PAK3: variants seen among roughly 807,000 people sequenced by gnomAD.
PAK3 encodes p21 (RAC1) activated kinase 3.
Under a neutral mutation model 41.0 loss-of-function variants are expected in PAK3, and 4 were observed. That is an observed-to-expected ratio of 0.10 (90% CI 0.05 to 0.22). PAK3 has a LOEUF of 0.22. PAK3 is among the 10% of genes least tolerant of loss of function. PAK3 has a pLI of 1.00. For synonymous variants in PAK3, 146 were observed against 139.6 expected (o/e 1.05, Z -0.32); for missense variants, 205 against 409.9 (o/e 0.50, Z 4.32).
At chrX:111,196,854 CTTT>C (rs375476309) in intron 16 of PAK3, among the ~76,000 whole-genome samples, 89 of 79,196 alleles carry the variant, frequency 1.1e-3, no homozygotes, top group African/African-American at 2.7e-3. Context: ...TTCTTTCTTT[CTTT>C]TTTTTTTTTT....
chrX:111,030,271 G>A (rs981186174), intron 1 of PAK3, among the ~76,000 whole-genome samples: 2 of 110,446 alleles, frequency 1.8e-5, no homozygotes, highest in African/African-American at 6.6e-5. Context: ...TCTTGCCCGT[G>A]TTCACTGAGG....
intron 7 of PAK3, among the ~76,000 whole-genome samples, chrX:111,151,113 G>C (rs768520552): frequency 8.9e-6 from 1 of 111,825 alleles, no homozygotes; most frequent in South Asian, 3.7e-4. Flanking sequence ...CTATATTTAA[G>C]CTTCCACATA....
At chrX:110,972,258 G>A (rs2091224070) in intron 1 of PAK3, among the ~76,000 whole-genome samples, 1 of 111,545 alleles carries the variant, frequency 9.0e-6, no homozygotes, top group African/African-American at 3.3e-5. Context: ...TCTGAGAATG[G>A]ACTGACTGCC....
chrX:111,023,994 C>G (rs1602858556), intron 1 of PAK3, among the ~76,000 whole-genome samples: 1 of 110,679 alleles, frequency 9.0e-6, no homozygotes, highest in East Asian at 2.9e-4. Flanking sequence ...ATGGTATTGC[C>G]TAGGTTTTCT....
Position 110,972,831 on chromosome X carries a change from A to G in PAK3, c.-28+28203A>G, listed in dbSNP as rs1044828492. On this transcript the variant is annotated intron_variant, in intron 1 of 14. Transcript: ENST00000425146. ...AAAACCTTGAAAAAAGATTAGACGA[A>G]TGGCTAACTAGAATAAACAGTGTAG... 4.5e-5 allele frequency among the ~76,000 whole-genome samples: 5 copies of G among 111,333 alleles called. No individual in the cohort carries two copies. The East Asian group carries it at 1.4e-3, about 31-fold the overall frequency.
chrX:111,039,729 G>A (rs957661710), intron 1 of PAK3, among the ~76,000 whole-genome samples: 1 of 111,245 alleles, frequency 9.0e-6, no homozygotes, highest in African/African-American at 3.3e-5. Context: ...GCAGCCTCCT[G>A]AATGATTGGA....
chrX:111,029,515 T>C (rs974848378), intron 1 of PAK3, among the ~76,000 whole-genome samples: 1 of 111,906 alleles, frequency 8.9e-6, no homozygotes, highest in Non-Finnish European at 1.9e-5. Context: ...CAATAAAGTA[T>C]GCCAGGAAAA....
chrX:110,997,334 T>C (rs1366063327), intron 1 of PAK3, among the ~76,000 whole-genome samples: 7 of 111,352 alleles, frequency 6.3e-5, no homozygotes, highest in Non-Finnish European at 1.1e-4. Flanking sequence ...ATATGGTATG[T>C]TGAGAATACA....
chrX:111,073,218 G>T lies in PAK3; in HGVS notation c.-27-49859G>T, dbSNP rs183082848. ...CATAACATACCAAAACTTATGGAAT[G>T]CAGCAACGTTCCCTATTAAGAGGGA... On this transcript the variant is annotated intron_variant, in intron 1 of 14. Coordinates refer to the PAK3 transcript ENST00000425146. Among the ~76,000 whole-genome samples, 3 of 111,531 alleles carry T rather than the reference G, an allele frequency of 2.7e-5. No homozygotes were observed. The Admixed American group carries it at 2.9e-4, about 11-fold the overall frequency.
At chrX:110,959,100 T>G (rs1292407650) in intron 1 of PAK3, among the ~76,000 whole-genome samples, 5 of 112,166 alleles carry the variant, frequency 4.5e-5, no homozygotes, top group Middle Eastern at 4.6e-3. Flanking sequence ...CCTTCAGCAG[T>G]GCAGTACAGG....
At chrX:110,981,285 G>A (rs1193941997) in intron 1 of PAK3, among the ~76,000 whole-genome samples, 2 of 112,035 alleles carry the variant, frequency 1.8e-5, no homozygotes, top group African/African-American at 6.5e-5. Context: ...GGAAACTAAA[G>A]TTAAGAATTC....
rs781189266 is a variant in PAK3, at chrX:110,975,621, T to C, written c.-28+30993T>C. Among the ~76,000 whole-genome samples the C allele has an allele frequency of 1.6e-4, 18 of 111,870 alleles. No homozygotes were observed. In the South Asian group the frequency reaches 3.8e-3, roughly 23 times the overall value. On this transcript the variant is annotated intron_variant, in intron 1 of 14. Transcript: ENST00000425146. ...TTGGAAAAAACTACTTTAAAGTTCA[T>C]ATGGAACCAAAAGAGAGCGTATGTT...
At chrX:110,946,112 G>T (rs753381900) in intron 1 of PAK3, among the ~76,000 whole-genome samples, 1 of 111,488 alleles carries the variant, frequency 9.0e-6, no homozygotes, top group Non-Finnish European at 1.9e-5. Context: ...AGGTATGCTT[G>T]ATTGGGGATG....
intron 1 of PAK3, among the ~76,000 whole-genome samples, chrX:110,957,431 A>G (rs1447188259): frequency 8.9e-6 from 1 of 112,117 alleles, no homozygotes; most frequent in Admixed American, 9.4e-5. Context: ...ACTAATAGAG[A>G]TATCTGTAGG....
intron 1 of PAK3, among the ~76,000 whole-genome samples, chrX:111,034,246 G>A (rs1343722857): frequency 1.8e-5 from 2 of 110,592 alleles, no homozygotes; most frequent in African/African-American, 3.3e-5. Flanking sequence ...GGGGTTGGGG[G>A]TCGGGGAAAG....
At chrX:111,085,222 GT>G (rs1273847263) in intron 1 of PAK3, among the ~76,000 whole-genome samples, 1 of 111,496 alleles carries the variant, frequency 9.0e-6, no homozygotes, top group Non-Finnish European at 1.9e-5. Flanking sequence ...AGAAAAAAAT[GT>G]TTTTTTCAAT....
At chrX:110,996,462 T>C (rs2091741341) in intron 1 of PAK3, among the ~76,000 whole-genome samples, 2 of 111,923 alleles carry the variant, frequency 1.8e-5, no homozygotes, top group South Asian at 7.5e-4. Context: ...CTAGACTAAA[T>C]GGTTGTGTCT....
intron 1 of PAK3, among the ~76,000 whole-genome samples, chrX:111,028,323 A>C (rs1334795644): frequency 9.1e-6 from 1 of 109,511 alleles, no homozygotes; most frequent in Admixed American, 9.9e-5. Flanking sequence ...GGGTGCACAA[A>C]AATATCGGAA....
intron 4 of PAK3, among the ~76,000 whole-genome samples, chrX:111,119,220 G>A (rs1489400340): frequency 1.8e-5 from 2 of 112,001 alleles, no homozygotes; most frequent in Non-Finnish European, 3.8e-5. Flanking sequence ...TAATTACAGA[G>A]CATTGCTAAA....
Sources: allele counts gnomAD v4.1 joint callset (sites outside exome capture counted in the v4.1 genomes callset), GRCh38; gene constraint gnomAD v4.1.1; transcripts MANE v1.5; gene names NCBI Gene and HGNC (gene_info 2026-07-23, HGNC 2026-07-21).